SLC1A7: variants seen among roughly 807,000 people sequenced by gnomAD.
The protein encoded by SLC1A7 is solute carrier family 1 member 7, also known as excitatory amino acid transporter 5.
A neutral mutation model predicts 47.7 loss-of-function variants in SLC1A7; 40 were observed. The observed-to-expected ratio is 0.84, with a 90% CI of 0.65 to 1.09. The LOEUF (loss-of-function observed/expected upper bound fraction) is 1.09, where lower values mean the gene tolerates loss of function less well. SLC1A7 is among the 50% of genes least tolerant of loss of function. SLC1A7 has a pLI of 0.00. For missense variants in SLC1A7, 746 were observed against 769.5 expected (o/e 0.97, Z 0.36); for synonymous variants, 323 against 325.6 (o/e 0.99, Z 0.09).
intron 9 of SLC1A7, among the ~76,000 whole-genome samples, chr1:53,089,598 C>G (rs936135465): frequency 6.6e-6 from 1 of 152,116 alleles, no homozygotes; most frequent in Non-Finnish European, 1.5e-5. Context: ...GGACTGGGTT[C>G]CACATTTTCA....
At chr1:53,099,046 T>A (rs1340304468) in intron 5 of SLC1A7, among the ~76,000 whole-genome samples, 1 of 146,888 alleles carries the variant, frequency 6.8e-6, no homozygotes, top group Non-Finnish European at 1.5e-5. Flanking sequence ...CCTGCCTCTG[T>A]ACACTCACAA....
chr1:53,117,158 A>T (rs1479916723), intron 2 of SLC1A7, among the ~76,000 whole-genome samples: 1 of 152,210 alleles, frequency 6.6e-6, no homozygotes, highest in Non-Finnish European at 1.5e-5. Flanking sequence ...GAGATGGGGC[A>T]GACATGCGCA....
intron 7 of SLC1A7, among the ~76,000 whole-genome samples, chr1:53,091,606 C>T (rs968403844): frequency 6.6e-6 from 1 of 152,322 alleles, no homozygotes; most frequent in South Asian, 2.1e-4. Flanking sequence ...CTTTTCTTCA[C>T]TGGGGTCTGC....
At position 53,088,054 on chromosome 1, in the gene SLC1A7, C is replaced by A; in HGVS notation, c.1638G>T (p.Leu546=). Residue 546 remains leucine (L), a synonymous_variant, in exon 11 of 11, where the codon CTG becomes CTT. Coordinates refer to ENST00000371494, the MANE Select transcript of SLC1A7 (RefSeq NM_006671.6). ...CACTGATCTGGATGGTGCAGTGGTTCAGACTCGCAGCGGGCAGCTCCTCAT... is the reference window on the plus strand; with the variant it reads ...CACTGATCTGGATGGTGCAGTGGTTAAGACTCGCAGCGGGCAGCTCCTCAT... ...EQDEELPAAS[L]NHCTIQISEL... is the part of the protein sequence containing the mutation. The A allele has an allele frequency of 6.3e-7, 1 of 1,597,190 alleles. No homozygotes were observed. The highest frequency in any genetic ancestry group is 8.5e-7 in the Non-Finnish European group (1 of 1,169,630).
At chr1:53,101,243 GCCTCGGTACACTCACACACCCCA>G (rs1225184717) in intron 5 of SLC1A7, among the ~76,000 whole-genome samples, 6 of 128,972 alleles carry the variant, frequency 4.7e-5, no homozygotes, top group South Asian at 2.6e-4. Flanking sequence ...CACACGCACT[GCCTCGGTACACTCACACACCCCA>G]CCTCGGTACA....
At chr1:53,121,770 G>A (rs955283097) in intron 2 of SLC1A7, among the ~76,000 whole-genome samples, 1 of 152,242 alleles carries the variant, frequency 6.6e-6, no homozygotes, top group Non-Finnish European at 1.5e-5. Context: ...AGCCGTGGCT[G>A]CACACGTGGG....
chr1:53,139,985 C>CT (rs111799658), intron 1 of SLC1A7, among the ~76,000 whole-genome samples: 1 of 152,042 alleles, frequency 6.6e-6, no homozygotes, highest in Admixed American at 6.5e-5. Context: ...GATAAAAGTT[C>CT]TTTTTCACAA....
chr1:53,090,844 C>T, intron 7 of SLC1A7, 38 bp from the exon 8 acceptor site: 3 of 1,575,720 alleles, frequency 1.9e-6, no homozygotes, highest in Non-Finnish European at 2.6e-6. Context: ...CAGCACCCTC[C>T]TCCAGGATGG....
intron 2 of SLC1A7, among the ~76,000 whole-genome samples, chr1:53,131,800 C>A (rs915404282): frequency 6.6e-6 from 1 of 152,112 alleles, no homozygotes; most frequent in African/African-American, 2.4e-5. Context: ...AGCTTACAGC[C>A]CAGTGGATAA....
chr1:53,089,481 C>T (rs1190469668), intron 9 of SLC1A7, among the ~76,000 whole-genome samples: 1 of 152,138 alleles, frequency 6.6e-6, no homozygotes, highest in Non-Finnish European at 1.5e-5. Flanking sequence ...CTGTGTTGCC[C>T]AGGCTGGGCT....
chr1:53,089,882 G>C lies in SLC1A7; in HGVS notation c.1279C>G (p.Leu427Val), dbSNP rs778135532. Reference protein sequence around the residue: ...IGAAGIPQAGLVTMVIVLTSV... With the variant: ...IGAAGIPQAGVVTMVIVLTSV... ...GTGAGCACGATGACCATGGTGACGA[G>C]GCCGGCCTGGGGGATGCCAGCTGCC... is the stretch of plus-strand genomic sequence containing the variant. Residue 427 changes from leucine to valine, a missense_variant, in exon 9 of 11, where the codon CTC (leucine) becomes GTC (valine). Physicochemically the swap from Leu to Val is conservative, Grantham distance 32. Coordinates refer to ENST00000371494, the MANE Select transcript of SLC1A7 (RefSeq NM_006671.6). 10 of 1,613,902 alleles carry C rather than the reference G, an allele frequency of 6.2e-6. No individual in the cohort carries two copies. The highest frequency in any genetic ancestry group is 1.1e-5 in the South Asian group (1 of 91,078).
At chr1:53,115,280 G>C in intron 2 of SLC1A7, 2 of 443,846 alleles carry the variant, frequency 4.5e-6, no homozygotes, top group South Asian at 6.1e-5. Context: ...ATTAATTAAG[G>C]AAATGCGTGT....
rs768837355 is a variant in SLC1A7, at chr1:53,092,796, G to A, written c.798-9C>T. The A allele has an allele frequency of 2.8e-5, 45 of 1,582,800 alleles. No homozygotes were observed. In the Admixed American group the frequency reaches 5.7e-4, roughly 20 times the overall value. On this transcript the variant is annotated splice_polypyrimidine_tract_variant and intron_variant, in intron 6 of 10. Transcript: ENST00000371494. ...TGCCGAAGGGGAAATACCTGGGGGC[G>A]GCGGGGCAGCCAGGCTCAGGAACCA...
chr1:53,121,616 A>G (rs2150338029), intron 2 of SLC1A7, among the ~76,000 whole-genome samples: 1 of 152,366 alleles, frequency 6.6e-6, no homozygotes, highest in African/African-American at 2.4e-5. Flanking sequence ...GGAATAGCTA[A>G]TGTGCTGGAT....
rs555801036 is a variant in SLC1A7 at position 53,087,758 on chromosome 1, C to T, written c.*251G>A. The T allele has an allele frequency of 1.2e-5, 4 of 343,976 alleles. No homozygotes were observed. Among genetic ancestry groups the T allele is most frequent in the Admixed American group, 9.5e-5 (2 of 21,092 alleles). 21.3% of individuals were successfully genotyped at this position (343,976 alleles called of 1,614,324 possible). On this transcript the variant is annotated 3_prime_UTR_variant, in exon 11 of 11. Coordinates refer to ENST00000371494, the MANE Select transcript of SLC1A7 (RefSeq NM_006671.6). The stretch of plus-strand genomic sequence containing the variant: ...CTGCCTGCCGCCCTCACCGGGCTCA[C>T]ACCGGGGAAACTGTCACAGCGGGGC...
chr1:53,103,653 G>A lies in SLC1A7; in HGVS notation c.475-85C>T, dbSNP rs569717930. 149 of 760,988 alleles carry A rather than the reference G, an allele frequency of 2.0e-4. 2 individuals carry two copies. In the South Asian group the frequency reaches 2.7e-3, roughly 14 times the overall value. The allele number at this position is 760,988 out of a possible 1,614,324, so 47.1% of individuals were successfully genotyped here. ...CGACAACAATAATAGCATCTTGAAG[G>A]CACATTTGTATCCATTCCTATCCTA... On this transcript the variant is annotated intron_variant, in intron 4 of 10. Coordinates refer to ENST00000371494, the MANE Select transcript of SLC1A7 (RefSeq NM_006671.6).
At chr1:53,134,281 C>T in intron 2 of SLC1A7, 69 bp downstream of exon 2, 2 of 1,119,820 alleles carry the variant, frequency 1.8e-6, no homozygotes, top group Non-Finnish European at 1.3e-6. Context: ...ACAGCAGGAG[C>T]AGGGCAGCAA....
intron 1 of SLC1A7, among the ~76,000 whole-genome samples, 187 bp from the exon 2 acceptor site, chr1:53,134,616 T>TCCAC (rs1161036822): frequency 6.6e-6 from 1 of 152,108 alleles, no homozygotes. Flanking sequence ...ACACCCCGCC[T>TCCAC]CCACCAATCC....
intron 8 of SLC1A7, chr1:53,090,385 C>T: frequency 2.9e-6 from 2 of 684,510 alleles, no homozygotes; most frequent in Admixed American, 3.4e-5. Flanking sequence ...GGCGGCCTCT[C>T]CAAGGTCCTG....
Sources: gnomAD v4.1 joint callset for allele counts (sites outside exome capture counted in the v4.1 genomes callset) on GRCh38, gnomAD v4.1.1 for gene constraint, MANE v1.5 for transcripts, NCBI Gene and HGNC (gene_info 2026-07-23, HGNC 2026-07-21) for gene names.